ORAI3: variants seen among roughly 807,000 people sequenced by gnomAD.
The protein encoded by ORAI3 is protein orai-3.
A neutral mutation model predicts 17.2 loss-of-function variants in ORAI3; 15 were observed. That is an observed-to-expected ratio of 0.87 (90% CI 0.58 to 1.34). The LOEUF (loss-of-function observed/expected upper bound fraction) is 1.34. Among genes scored for constraint, ORAI3 ranks in the 40% most tolerant of loss-of-function variants. The pLI is 0.00. For missense variants in ORAI3, 405 were observed against 396.7 expected (o/e 1.02, Z -0.18); for synonymous variants, 178 against 172.4 (o/e 1.03, Z -0.25).
At position 30,949,365 on chromosome 16, in the gene ORAI3, A is replaced by G; in HGVS notation, c.76A>G (p.Thr26Ala). ...PEGESPAGSA[T>A]YREFVHRGYL... ...GGGCGAGAGCCCTGCAGGCTCGGCC[A>G]CGTACCGGGAGTTCGTGCACCGCGG... The change falls in exon 1 of 2, where the codon ACG becomes GCG. Residue 26 changes from threonine (T) to alanine (A), a missense_variant. By Grantham distance (58) the Thr-to-Ala change is moderately conservative (BLOSUM62 0). Coordinates refer to ENST00000318663, the MANE Select transcript of ORAI3 (RefSeq NM_152288.3). 3.8e-6 allele frequency: 6 copies of G among 1,563,882 alleles called. No homozygotes were observed. The highest frequency in any genetic ancestry group is 5.2e-6 in the Non-Finnish European group (6 of 1,156,868).
At chr16:30,952,745 A>G (rs2055930106) in intron 1 of ORAI3, among the ~76,000 whole-genome samples, 1 of 151,832 alleles carries the variant, frequency 6.6e-6, no homozygotes, top group African/African-American at 2.4e-5. Flanking sequence ...GGCTCACTCA[A>G]ACTTCTGCCT....
rs2055911677 is a variant in ORAI3, at chr16:30,949,532, G to A, written c.228+15G>A. ...GCTTCGCCATGGTGAGGGGCCGGGAGGGGTCACACCCGGTGGGGCAGAGCA... is the reference window on the plus strand; with the variant it reads ...GCTTCGCCATGGTGAGGGGCCGGGAAGGGTCACACCCGGTGGGGCAGAGCA... On this transcript the variant is annotated intron_variant, in intron 1 of 1. Coordinates refer to ENST00000318663, the MANE Select transcript of ORAI3 (RefSeq NM_152288.3). The A allele has an allele frequency of 6.5e-7, 1 of 1,549,484 alleles. No homozygotes were observed. The highest frequency in any genetic ancestry group is 8.7e-7 in the Non-Finnish European group (1 of 1,151,378).
intron 1 of ORAI3, among the ~76,000 whole-genome samples, chr16:30,950,498 G>A (rs760928056): frequency 3.3e-5 from 5 of 152,238 alleles, no homozygotes; most frequent in Admixed American, 1.3e-4. Context: ...ATCACCCCAG[G>A]AAAAAGGAGA....
Position 30,954,248 on chromosome 16 carries a change from C to T in ORAI3, c.*404C>T, listed in dbSNP as rs1271250734. On this transcript the variant is annotated 3_prime_UTR_variant, in exon 2 of 2. Coordinates refer to ENST00000318663, the MANE Select transcript of ORAI3 (RefSeq NM_152288.3). ...GTTTAATTTTTTTTTTTTTTTGAGACAGTCTGTTTCCCAGGCTGGAGTGTA... is the reference window on the plus strand; with the variant it reads ...GTTTAATTTTTTTTTTTTTTTGAGATAGTCTGTTTCCCAGGCTGGAGTGTA... The T allele has an allele frequency of 1.6e-4, 100 of 631,340 alleles. No homozygotes were observed. The highest frequency in any genetic ancestry group is 5.0e-4 in the Admixed American group (20 of 39,972). 39.1% of individuals were successfully genotyped at this position (631,340 alleles called of 1,614,324 possible).
intron 1 of ORAI3, among the ~76,000 whole-genome samples, chr16:30,950,374 C>T (rs971135185): frequency 6.6e-6 from 1 of 152,226 alleles, no homozygotes; most frequent in Non-Finnish European, 1.5e-5. Context: ...CCAAGGATGG[C>T]TCAGACTAGC....
In ORAI3 at chr16:30,953,794, C is replaced by CAGGAA; in HGVS notation, c.839_843dup (p.Leu282ArgfsTer3). ...GGCACACAAGACAGACCGCTACAAG[C>CAGGAA]AGGAACTAGAGGAACTGAATCGCCT... On this transcript the variant is annotated frameshift_variant, in exon 2 of 2. Transcript: ENST00000318663. LOFTEE classifies it high-confidence loss of function. 1 of 1,613,658 alleles carries CAGGAA rather than the reference C, an allele frequency of 6.2e-7. No individual in the cohort carries two copies. The highest frequency in any genetic ancestry group is 8.5e-7 in the Non-Finnish European group (1 of 1,179,932).
Position 30,953,221 on chromosome 16 carries a change from G to C in ORAI3, c.265G>C (p.Glu89Gln). The change falls in exon 2 of 2, where the codon GAG (glutamate) becomes CAG (glutamine). Residue 89 changes from glutamate (E) to glutamine (Q), a missense_variant. By Grantham distance (29) the Glu-to-Gln change is conservative (BLOSUM62 2). Coordinates refer to ENST00000318663, the MANE Select transcript of ORAI3 (RefSeq NM_152288.3). ...MVEVQLESDH[E>Q]YPPGLLVAFS... ...GGAGGTGCAGCTGGAGAGTGACCAC[G>C]AGTACCCACCAGGCCTGCTGGTGGC... 1 of 1,594,530 alleles carries C rather than the reference G, an allele frequency of 6.3e-7. No individual in the cohort carries two copies. Among genetic ancestry groups the C allele is most frequent in the Non-Finnish European group, 8.5e-7 (1 of 1,170,126 alleles).
At position 30,953,412 on chromosome 16, in the gene ORAI3, C is replaced by A; in HGVS notation, c.456C>A (p.Gly152=). 15 of 1,614,268 alleles carry A rather than the reference C, an allele frequency of 9.3e-6. No individual in the cohort carries two copies. The highest frequency in any genetic ancestry group is 1.3e-5 in the Non-Finnish European group (15 of 1,180,044). ...RLHRYVELAW[G]FSTALGTFLF... ...ACCGCTACGTGGAGCTGGCCTGGGGCTTCTCCACTGCCCTGGGCACCTTTC... is the reference window on the plus strand; with the variant it reads ...ACCGCTACGTGGAGCTGGCCTGGGGATTCTCCACTGCCCTGGGCACCTTTC... The change falls in exon 2 of 2, where the codon GGC becomes GGA. Residue 152 remains glycine (G), a synonymous_variant. Coordinates refer to ENST00000318663, the MANE Select transcript of ORAI3 (RefSeq NM_152288.3).
Position 30,949,205 on chromosome 16 carries a change from CGCCCCCGGGCTTGGGCCGGCCCGGCTGGG to C in ORAI3, c.-77_-49del, listed in dbSNP as rs1483596106. 2.1e-5 allele frequency: 20 copies of C among 973,856 alleles called. No individual in the cohort carries two copies. Among genetic ancestry groups the C allele is most frequent in the Non-Finnish European group, 2.8e-5 (20 of 714,520 alleles). The allele number at this position is 973,856 out of a possible 1,614,324, so 60.3% of individuals were successfully genotyped here. On this transcript the variant is annotated 5_prime_UTR_variant, in exon 1 of 2. It removes the in-frame stop codon of an upstream open reading frame in the 5' UTR. Transcript: ENST00000318663. Reference sequence around the variant, plus strand: ...TGCTCGTCCTGTCTGGGAATGGGGCCGCCCCCGGGCTTGGGCCGGCCCGGCTGGGGCCCCCGAGGCGCTTCCGCCCCGTA... The same window carrying C: ...TGCTCGTCCTGTCTGGGAATGGGGCCGCCCCCGAGGCGCTTCCGCCCCGTA...
At position 30,953,868 on chromosome 16, in the gene ORAI3, T is replaced by A; in HGVS notation, c.*24T>A. On this transcript the variant is annotated 3_prime_UTR_variant, in exon 2 of 2. Transcript: ENST00000318663. ...GAGACTGGTGTTAGCCACCGCTCAC[T>A]GCAAGCACTGCCTCCCTCCGGGGTC... 1 of 1,587,790 alleles carries A rather than the reference T, an allele frequency of 6.3e-7. No homozygotes were observed. The highest frequency in any genetic ancestry group is 8.6e-7 in the Non-Finnish European group (1 of 1,168,990).
At position 30,953,631 on chromosome 16, in the gene ORAI3, C is replaced by T; in HGVS notation, c.675C>T (p.Ala225=). Residue 225 remains alanine, a synonymous_variant, in exon 2 of 2, where the codon GCC becomes GCT. Transcript: ENST00000318663. The stretch of plus-strand genomic sequence containing the variant: ...CAGCACCGTCCCAAGCTGAGCCAGC[C>T]TGCCCACCCCGGCAAGCCTGTGGTG... The part of the protein sequence containing the change: ...ASAAPSQAEP[A]CPPRQACGGG... 1 of 1,613,844 alleles carries T rather than the reference C, an allele frequency of 6.2e-7. No individual in the cohort carries two copies.
Position 30,953,947 on chromosome 16 carries a change from C to T in ORAI3, c.*103C>T. On this transcript the variant is annotated 3_prime_UTR_variant, in exon 2 of 2. Transcript: ENST00000318663. ...TCATCCCCCCATCCCCTGGCTGGAG[C>T]CACTTCCAGTGGCCACTCTCAGGCA... 7.6e-7 allele frequency: 1 copy of T among 1,311,022 alleles called. No individual in the cohort carries two copies. Among genetic ancestry groups the T allele is most frequent in the Non-Finnish European group, 1.1e-6 (1 of 940,014 alleles). 81.2% of individuals were successfully genotyped at this position (1,311,022 alleles called of 1,614,324 possible).
rs778057689 is a variant in ORAI3 at position 30,949,494 on chromosome 16, G to A, written c.205G>A (p.Ala69Thr). 3 of 1,596,612 alleles carry A rather than the reference G, an allele frequency of 1.9e-6. No homozygotes were observed. The highest frequency in any genetic ancestry group is 2.7e-5 in the African/African-American group (2 of 73,734). The change falls in exon 1 of 2, where the codon GCC (alanine) becomes ACC (threonine). Residue 69 changes from alanine to threonine, a missense_variant. Coordinates refer to ENST00000318663, the MANE Select transcript of ORAI3 (RefSeq NM_152288.3). ...AKLKASSRTSALLSGFAMVAM... is the reference protein window; with the variant it reads ...AKLKASSRTSTLLSGFAMVAM... The stretch of plus-strand genomic sequence containing the variant: ...GCTCAAAGCTTCCAGCCGCACGTCT[G>A]CCTTGCTCTCGGGCTTCGCCATGGT...
intron 1 of ORAI3, among the ~76,000 whole-genome samples, chr16:30,952,833 T>A (rs2055930539): frequency 6.6e-6 from 1 of 152,038 alleles, no homozygotes; most frequent in African/African-American, 2.4e-5. Flanking sequence ...GCCCGGCTAA[T>A]TTTTGTACTT....
chr16:30,953,183 A>G lies in ORAI3; in HGVS notation c.229-2A>G. ...TCAGTACATCCCCTCTTGTCCCTGC[A>G]GGTGGCCATGGTGGAGGTGCAGCTG... On this transcript the variant is annotated splice_acceptor_variant, in intron 1 of 1. Transcript: ENST00000318663. LOFTEE classifies it high-confidence loss of function. 1 of 1,571,840 alleles carries G rather than the reference A, an allele frequency of 6.4e-7. No individual in the cohort carries two copies. The highest frequency in any genetic ancestry group is 8.6e-7 in the Non-Finnish European group (1 of 1,159,314).
Position 30,954,190 on chromosome 16 carries a change from A to G in ORAI3, c.*346A>G. Reference sequence around the variant, plus strand: ...TTAGCCACCATTTCCATTCCTATACAGGATGTGAAGGTCAGAAGGCAGCCA... The same window carrying G: ...TTAGCCACCATTTCCATTCCTATACGGGATGTGAAGGTCAGAAGGCAGCCA... On this transcript the variant is annotated 3_prime_UTR_variant, in exon 2 of 2. Transcript: ENST00000318663. 1.5e-6 allele frequency: 1 copy of G among 686,282 alleles called. No individual in the cohort carries two copies. The allele number at this position is 686,282 out of a possible 1,614,324, so 42.5% of individuals were successfully genotyped here. A position where few individuals can be genotyped will look rare whatever the true frequency, so the allele number is the denominator to read the frequency against.
Position 30,953,532 on chromosome 16 carries a change from G to A in ORAI3, c.576G>A (p.Arg192=), listed in dbSNP as rs1036800383. The A allele has an allele frequency of 2.5e-6, 4 of 1,614,212 alleles. No homozygotes were observed. Among genetic ancestry groups the A allele is most frequent in the East Asian group, 4.5e-5 (2 of 44,870 alleles). ...DTPTPMVPTS[R]VPGTLAPVAT... is the part of the protein sequence containing the mutation. ...CGACCCCCATGGTGCCCACATCCCG[G>A]GTGCCCGGGACTCTGGCACCAGTGG... The change falls in exon 2 of 2, where the codon CGG becomes CGA. Residue 192 remains arginine (R), a synonymous_variant. Coordinates refer to ENST00000318663, the MANE Select transcript of ORAI3 (RefSeq NM_152288.3).
Position 30,954,293 on chromosome 16 carries a change from C to T in ORAI3, c.*449C>T. Reference sequence around the variant, plus strand: ...AGTGTAGTGATACAGTCACAGCTCACTGTAGCCTCGACCTTCCAGGCTCAA... The same window carrying T: ...AGTGTAGTGATACAGTCACAGCTCATTGTAGCCTCGACCTTCCAGGCTCAA... On this transcript the variant is annotated 3_prime_UTR_variant, in exon 2 of 2. Coordinates refer to ENST00000318663, the MANE Select transcript of ORAI3 (RefSeq NM_152288.3). The T allele has an allele frequency of 1.7e-6, 1 of 596,042 alleles. No individual in the cohort carries two copies. Among genetic ancestry groups the T allele is most frequent in the Non-Finnish European group, 3.0e-6 (1 of 335,130 alleles). The allele number at this position is 596,042 out of a possible 1,614,324, so 36.9% of individuals were successfully genotyped here. A position where few individuals can be genotyped will look rare whatever the true frequency, so the allele number is the denominator to read the frequency against.
chr16:30,949,492 C>G lies in ORAI3; in HGVS notation c.203C>G (p.Ser68Cys). 1 of 1,601,148 alleles carries G rather than the reference C, an allele frequency of 6.2e-7. No individual in the cohort carries two copies. Among genetic ancestry groups the G allele is most frequent in the Non-Finnish European group, 8.5e-7 (1 of 1,176,450 alleles). The change falls in exon 1 of 2, where the codon TCT (serine) becomes TGT (cysteine). Residue 68 changes from serine to cysteine, a missense_variant. Ser to Cys is a moderately radical substitution (Grantham distance 112). Transcript: ENST00000318663. The stretch of plus-strand genomic sequence containing the variant: ...AAGCTCAAAGCTTCCAGCCGCACGT[C>G]TGCCTTGCTCTCGGGCTTCGCCATG... ...RAKLKASSRTSALLSGFAMVA... is the reference protein window; with the variant it reads ...RAKLKASSRTCALLSGFAMVA...
Sources: allele counts gnomAD v4.1 joint callset (sites outside exome capture counted in the v4.1 genomes callset), GRCh38; gene constraint gnomAD v4.1.1; transcripts MANE v1.5; gene names NCBI Gene and HGNC (gene_info 2026-07-23, HGNC 2026-07-21).